AACS: variants seen among roughly 807,000 people sequenced by gnomAD.
The protein encoded by AACS is acetoacetate-CoA ligase.
Under a neutral mutation model 83.1 loss-of-function variants are expected in AACS, and 69 were observed. The observed-to-expected ratio is 0.83, with a 90% CI of 0.68 to 1.01. AACS has a LOEUF of 1.01. AACS is among the 50% of genes least tolerant of loss of function. AACS has a pLI of 0.00. For missense variants in AACS, 866 were observed against 882.2 expected (o/e 0.98, Z 0.23); for synonymous variants, 333 against 343.4 (o/e 0.97, Z 0.33).
intron 9 of AACS, 172 bp from the exon 10 acceptor site, chr12:125,118,469 A>T (rs1957096158): frequency 1.3e-6 from 1 of 754,774 alleles, no homozygotes; most frequent in African/African-American, 1.8e-5. Flanking sequence ...TGTGTGATCC[A>T]TTCTTAGATG....
chr12:125,139,777 C>T (rs150725387), intron 17 of AACS: 56 of 152,406 alleles, frequency 3.7e-4, no homozygotes, highest in African/African-American at 1.3e-3. Flanking sequence ...TGTATGTGCA[C>T]ATCTTTCTGG....
chr12:125,090,213 ATC>A (rs373794448), intron 4 of AACS, among the ~76,000 whole-genome samples: 262 of 10,720 alleles, frequency 0.024, 56 homozygotes, highest in Admixed American at 0.029. Flanking sequence ...CCCATTATCC[ATC>A]TATCCATCCA....
intron 10 of AACS, chr12:125,123,617 C>G (rs1023199621): frequency 2.6e-5 from 4 of 152,290 alleles, no homozygotes; most frequent in Non-Finnish European, 2.9e-5. Context: ...CCGGGATGTT[C>G]TGTGCCATGT....
rs929419739 is a variant in AACS, at chr12:125,113,414, T to C, written c.916-1063T>C. On this transcript the variant is annotated intron_variant, in intron 8 of 17. Coordinates refer to ENST00000316519, the MANE Select transcript of AACS (RefSeq NM_023928.5). The surrounding 1 kb of genome is among the most constrained non-coding windows in gnomAD (Gnocchi z 4.8). ...ATCCCCGTCTGTCCTCAGGATCTTGTACGAGATCCGTTGGAAAGACAGGAA... is the reference window on the plus strand; with the variant it reads ...ATCCCCGTCTGTCCTCAGGATCTTGCACGAGATCCGTTGGAAAGACAGGAA... Among the ~76,000 whole-genome samples the C allele has an allele frequency of 6.6e-6, 1 of 152,188 alleles. No homozygotes were observed. Among genetic ancestry groups the C allele is most frequent in the Non-Finnish European group, 1.5e-5 (1 of 68,024 alleles).
chr12:125,074,376 A>G (rs1955960540), intron 2 of AACS, among the ~76,000 whole-genome samples: 1 of 151,832 alleles, frequency 6.6e-6, no homozygotes, highest in African/African-American at 2.4e-5. Context: ...ACATAGCAAG[A>G]CCCTGTCTTC....
chr12:125,087,543 C>T (rs1956367121), intron 4 of AACS, among the ~76,000 whole-genome samples: 1 of 152,198 alleles, frequency 6.6e-6, no homozygotes, highest in South Asian at 2.1e-4. Context: ...TCCCGACCTC[C>T]CTCCCTTTCC....
intron 5 of AACS, 66 bp downstream of exon 5, chr12:125,091,589 T>C (rs1956487976): frequency 6.6e-7 from 1 of 1,525,470 alleles, no homozygotes; most frequent in Non-Finnish European, 9.1e-7. Flanking sequence ...AGGGGCTGCA[T>C]GGGCTGAATT....
chr12:125,079,618 G>A (rs992449439), intron 3 of AACS, among the ~76,000 whole-genome samples: 1 of 151,898 alleles, frequency 6.6e-6, no homozygotes, highest in Non-Finnish European at 1.5e-5. Context: ...CGAACTCCTG[G>A]GCTCAAGCAA....
chr12:125,083,295 T>C (rs1349442821), intron 3 of AACS, among the ~76,000 whole-genome samples: 1 of 152,226 alleles, frequency 6.6e-6, no homozygotes, highest in African/African-American at 2.4e-5. Context: ...GCATGGCCAC[T>C]GGCATCCCCT....
At chr12:125,076,713 T>A in intron 3 of AACS, 102 bp downstream of exon 3, 4 of 1,509,660 alleles carry the variant, frequency 2.6e-6, no homozygotes, top group Non-Finnish European at 3.6e-6. Context: ...CTAAACCATA[T>A]GTTGGCACCT....
chr12:125,104,007 AAAAAAAAAAAAAG>A, intron 7 of AACS, among the ~76,000 whole-genome samples: 1 of 139,170 alleles, frequency 7.2e-6, no homozygotes, highest in Non-Finnish European at 1.5e-5. Flanking sequence ...AAAAAAAAAA[AAAAAAAAAAAAAG>A]AATCTTCATT....
At chr12:125,115,600 C>T (rs996833385) in intron 9 of AACS, among the ~76,000 whole-genome samples, 3 of 152,198 alleles carry the variant, frequency 2.0e-5, no homozygotes, top group African/African-American at 7.2e-5. Flanking sequence ...CAGGCACATG[C>T]CTGACCTGTG....
At chr12:125,072,922 T>G (rs992844626) in intron 1 of AACS, among the ~76,000 whole-genome samples, 8 of 20,882 alleles carry the variant, frequency 3.8e-4, no homozygotes, top group South Asian at 2.6e-3. Context: ...AACTTTTGTT[T>G]TTTTTTTTTT....
At chr12:125,124,489 C>T (rs1027272258) in intron 10 of AACS, 13 of 582,246 alleles carry the variant, frequency 2.2e-5, no homozygotes, top group South Asian at 1.8e-4. Context: ...GCTGGCCCTG[C>T]GTGCTGAAAT....
At chr12:125,099,208 C>T (rs1407564844) in intron 5 of AACS, among the ~76,000 whole-genome samples, 1 of 152,124 alleles carries the variant, frequency 6.6e-6, no homozygotes, top group Non-Finnish European at 1.5e-5. Context: ...TAACATTGGT[C>T]TGTAATCTCT....
chr12:125,074,739 C>T (rs1401450548), intron 2 of AACS, among the ~76,000 whole-genome samples: 1 of 135,082 alleles, frequency 7.4e-6, no homozygotes, highest in South Asian at 2.7e-4. Context: ...TCTTAGTATA[C>T]TGCAACCTCC....
rs1459814201 is a variant in AACS, at chr12:125,102,989, G to A, written c.686-11G>A. The stretch of plus-strand genomic sequence containing the variant: ...CTGTAACCTTGTGTTTTCTCCTCTC[G>A]CTCCTTCCAGGCCTACCAGACTTGA... On this transcript the variant is annotated splice_polypyrimidine_tract_variant and intron_variant, in intron 6 of 17. Coordinates refer to ENST00000316519, the MANE Select transcript of AACS (RefSeq NM_023928.5). 1.9e-6 allele frequency: 3 copies of A among 1,609,120 alleles called. No individual in the cohort carries two copies. Among genetic ancestry groups the A allele is most frequent in the African/African-American group, 1.3e-5 (1 of 74,340 alleles).
intron 9 of AACS, 87 bp from the exon 10 acceptor site, chr12:125,118,554 T>C: frequency 6.4e-7 from 1 of 1,557,406 alleles, no homozygotes; most frequent in Non-Finnish European, 8.7e-7. Flanking sequence ...TCTTAGGTGG[T>C]TTCCCAGGGA....
chr12:125,090,306 C>T (rs111997590), intron 4 of AACS, among the ~76,000 whole-genome samples: 48 of 8,122 alleles, frequency 5.9e-3, no homozygotes, highest in South Asian at 0.017. Flanking sequence ...TTTATCCTAC[C>T]ATCCATCCAT....
Sources: gnomAD v4.1 joint callset for allele counts (sites outside exome capture counted in the v4.1 genomes callset) on GRCh38, gnomAD v4.1.1 for gene constraint, Gnocchi (gnomAD v3.1) non-coding constraint, MANE v1.5 for transcripts, NCBI Gene and HGNC (gene_info 2026-07-23, HGNC 2026-07-21) for gene names.